Variants in HAPLN3 observed in about 807,000 individuals in gnomAD.
HAPLN3 encodes extracellular link domain containing, 1.
In HAPLN3, 28 loss-of-function variants were observed where a neutral mutation model predicts 28.1. That is an observed-to-expected ratio of 1.00 (90% CI 0.74 to 1.37). HAPLN3 has a LOEUF of 1.37. Ranked by LOEUF, HAPLN3 falls within the 40% of genes most tolerant of loss-of-function variation. The probability of loss-of-function intolerance (pLI) is 0.00; values close to 1 mark genes in which losing one functional copy is unlikely to be tolerated. For missense variants in HAPLN3, 513 were observed against 504.6 expected (o/e 1.02, Z -0.16); for synonymous variants, 211 against 213.1 (o/e 0.99, Z 0.09).
rs1482477156 is a variant in HAPLN3, at chr15:88,879,962, G to T, written c.494-693C>A. ...TCTACCAAGTCAATGAAACCTTAGG[G>T]AGTGGAGGTGACCCTAGGGGTCTGG... On this transcript the variant is annotated intron_variant, in intron 3 of 4. Transcript: ENST00000359595. This position sits in a 1 kb window ranked among gnomAD's most constrained non-coding sequence, Gnocchi z 5.0. The T allele has an allele frequency of 2.0e-6, 2 of 1,003,606 alleles. No homozygotes were observed. Among genetic ancestry groups the T allele is most frequent in the African/African-American group, 3.5e-5 (2 of 57,440 alleles). 62.2% of individuals were successfully genotyped at this position (1,003,606 alleles called of 1,614,324 possible).
chr15:88,892,804 G>T (rs986996829), intron 1 of HAPLN3, among the ~76,000 whole-genome samples: 3 of 152,130 alleles, frequency 2.0e-5, no homozygotes, highest in Non-Finnish European at 4.4e-5. Flanking sequence ...ATTGCCACTT[G>T]GTTGCTGCCT....
intron 1 of HAPLN3, among the ~76,000 whole-genome samples, chr15:88,893,923 C>T (rs1257168587): frequency 2.4e-5 from 3 of 123,972 alleles, no homozygotes; most frequent in Non-Finnish European, 4.8e-5. Flanking sequence ...AGTGAGACTC[C>T]ATCTCAAAAA....
In HAPLN3 at chr15:88,877,811, G is replaced by C; in HGVS notation, c.*159C>G. Reference sequence around the variant, plus strand: ...ATCCAGGAGCAAAGGGAGGCATTGGGTTCTGTTTGCTTTACAAAAAATAGT... The same window carrying C: ...ATCCAGGAGCAAAGGGAGGCATTGGCTTCTGTTTGCTTTACAAAAAATAGT... On this transcript the variant is annotated 3_prime_UTR_variant, in exon 5 of 5. Coordinates refer to ENST00000359595, the MANE Select transcript of HAPLN3 (RefSeq NM_178232.4). This position sits in a 1 kb window ranked among gnomAD's most constrained non-coding sequence, Gnocchi z 5.1. 2 of 726,472 alleles carry C rather than the reference G, an allele frequency of 2.8e-6. No individual in the cohort carries two copies. The highest frequency in any genetic ancestry group is 4.4e-6 in the Non-Finnish European group (2 of 457,322). 45.0% of individuals were successfully genotyped at this position (726,472 alleles called of 1,614,324 possible).
rs554069950 is a variant in HAPLN3, at chr15:88,886,868, C to T, written c.124+307G>A. 9.9e-4 allele frequency among the ~76,000 whole-genome samples: 151 copies of T among 152,280 alleles called. 7 individuals are homozygous for T. In the South Asian group the frequency reaches 0.028, roughly 28 times the overall value. The stretch of plus-strand genomic sequence containing the variant: ...CATTCAAACTCACATCTATTCGACC[C>T]CAGGTCCCCTTTCCACTGGGGGGAC... On this transcript the variant is annotated intron_variant, in intron 2 of 4. Transcript: ENST00000359595.
At chr15:88,893,199 C>G in intron 1 of HAPLN3, 1 of 674,780 alleles carries the variant, frequency 1.5e-6, no homozygotes, top group Admixed American at 2.1e-5. Context: ...GGTGGATCAC[C>G]TGAGGTCAGG....
chr15:88,894,471 T>G (rs1898102068), intron 1 of HAPLN3, among the ~76,000 whole-genome samples: 1 of 152,208 alleles, frequency 6.6e-6, no homozygotes. Flanking sequence ...CCGCGAGGTC[T>G]GCACGAGCGC....
Position 88,879,936 on chromosome 15 carries a change from C to T in HAPLN3, c.494-667G>A. Reference sequence around the variant, plus strand: ...AGTTTTTAAACTTCTGAGATGTAGTCTCTACCAAGTCAATGAAACCTTAGG... The same window carrying T: ...AGTTTTTAAACTTCTGAGATGTAGTTTCTACCAAGTCAATGAAACCTTAGG... On this transcript the variant is annotated intron_variant, in intron 3 of 4. Coordinates refer to ENST00000359595, the MANE Select transcript of HAPLN3 (RefSeq NM_178232.4). The surrounding 1 kb of genome is among the most constrained non-coding windows in gnomAD (Gnocchi z 5.0). 1 of 1,012,588 alleles carries T rather than the reference C, an allele frequency of 9.9e-7. No homozygotes were observed. The highest frequency in any genetic ancestry group is 1.2e-6 in the Non-Finnish European group (1 of 846,164). The allele number at this position is 1,012,588 out of a possible 1,614,324, so 62.7% of individuals were successfully genotyped here.
rs183435664 is a variant in HAPLN3 at position 88,889,144 on chromosome 15, G to A, written c.-47-1799C>T. 1.6e-3 allele frequency among the ~76,000 whole-genome samples: 242 copies of A among 152,244 alleles called. 2 individuals are homozygous for A. Among genetic ancestry groups the A allele is most frequent in the East Asian group, 3.9e-4 (2 of 5,188 alleles). ...GTCTGCTGCTGCTGCTGGCCTCTGCGTCCCCCACTTCCTTGTTGGGTCCCC... is the reference window on the plus strand; with the variant it reads ...GTCTGCTGCTGCTGCTGGCCTCTGCATCCCCCACTTCCTTGTTGGGTCCCC... On this transcript the variant is annotated intron_variant, in intron 1 of 4. Coordinates refer to ENST00000359595, the MANE Select transcript of HAPLN3 (RefSeq NM_178232.4).
intron 2 of HAPLN3, among the ~76,000 whole-genome samples, chr15:88,886,240 G>C (rs938190228): frequency 6.7e-6 from 1 of 149,420 alleles, no homozygotes; most frequent in Non-Finnish European, 1.5e-5. Flanking sequence ...AATCCCAGCT[G>C]CTTGGGAGGC....
chr15:88,877,816 G>A lies in HAPLN3; in HGVS notation c.*154C>T. 2 of 775,818 alleles carry A rather than the reference G, an allele frequency of 2.6e-6. No homozygotes were observed. Among genetic ancestry groups the A allele is most frequent in the Non-Finnish European group, 4.0e-6 (2 of 500,904 alleles). 48.1% of individuals were successfully genotyped at this position (775,818 alleles called of 1,614,324 possible). On this transcript the variant is annotated 3_prime_UTR_variant, in exon 5 of 5. Coordinates refer to ENST00000359595, the MANE Select transcript of HAPLN3 (RefSeq NM_178232.4). The surrounding 1 kb of genome is among the most constrained non-coding windows in gnomAD (Gnocchi z 5.1). ...GGAGCAAAGGGAGGCATTGGGTTCT[G>A]TTTGCTTTACAAAAAATAGTAAAAA...
chr15:88,885,384 T>C (rs1005574219), intron 2 of HAPLN3, among the ~76,000 whole-genome samples: 3 of 152,046 alleles, frequency 2.0e-5, no homozygotes, highest in Non-Finnish European at 2.9e-5. Context: ...CAAGCAATTC[T>C]CATGCCTCAG....
intron 4 of HAPLN3, 147 bp from the exon 5 acceptor site, chr15:88,878,403 T>G (rs1897596098): frequency 1.4e-6 from 1 of 735,386 alleles, no homozygotes; most frequent in Non-Finnish European, 2.2e-6. Flanking sequence ...TTTCTAATCT[T>G]CACCCTGTCC....
At chr15:88,890,411 A>G (rs927090047) in intron 1 of HAPLN3, among the ~76,000 whole-genome samples, 4 of 152,196 alleles carry the variant, frequency 2.6e-5, no homozygotes, top group Non-Finnish European at 5.9e-5. Flanking sequence ...TGGGAACTGG[A>G]AGATCAGAGT....
At chr15:88,886,296 A>G (rs570167530) in intron 2 of HAPLN3, among the ~76,000 whole-genome samples, 1 of 148,912 alleles carries the variant, frequency 6.7e-6, no homozygotes, top group South Asian at 2.1e-4. Flanking sequence ...GGCTGCAGTG[A>G]GCCAAGATCG....
rs144313123 is a variant in HAPLN3, at chr15:88,887,155, G to A, written c.124+20C>T. 3.5e-3 allele frequency: 5,641 copies of A among 1,613,912 alleles called. 10 individuals carry two copies. Among genetic ancestry groups the A allele is most frequent in the Non-Finnish European group, 4.3e-3 (5,102 of 1,179,854 alleles). ...AGGTCACCCAGGGGAGCAAAGAGCC[G>A]GGTGCAGGAGGTCGCCTACCTTTGC... On this transcript the variant is annotated intron_variant, in intron 2 of 4. Coordinates refer to ENST00000359595, the MANE Select transcript of HAPLN3 (RefSeq NM_178232.4).
chr15:88,878,404 C>T lies in HAPLN3; in HGVS notation c.797-148G>A, dbSNP rs193006549. 322 of 728,106 alleles carry T rather than the reference C, an allele frequency of 4.4e-4. 1 individual carries two copies. The highest frequency in any genetic ancestry group is 4.3e-3 in the East Asian group (159 of 37,118). 45.1% of individuals were successfully genotyped at this position (728,106 alleles called of 1,614,324 possible). A position where few individuals can be genotyped will look rare whatever the true frequency, so the allele number is the denominator to read the frequency against. On this transcript the variant is annotated intron_variant, in intron 4 of 4. Coordinates refer to ENST00000359595, the MANE Select transcript of HAPLN3 (RefSeq NM_178232.4). Reference sequence around the variant, plus strand: ...TCTGCAGAGAACACTTTCTAATCTTCACCCTGTCCCAGAGAGCTCTGTCCC... The same window carrying T: ...TCTGCAGAGAACACTTTCTAATCTTTACCCTGTCCCAGAGAGCTCTGTCCC...
Position 88,879,377 on chromosome 15 carries a change from C to A in HAPLN3, c.494-108G>T. 6.4e-7 allele frequency: 1 copy of A among 1,562,822 alleles called. No individual in the cohort carries two copies. Among genetic ancestry groups the A allele is most frequent in the Non-Finnish European group, 8.6e-7 (1 of 1,162,820 alleles). ...GGACATGTGCTGCCTGCAACACACA[C>A]ACATACACCATCCCTCAGAAAAACT... On this transcript the variant is annotated intron_variant, in intron 3 of 4. Transcript: ENST00000359595. This position sits in a 1 kb window ranked among gnomAD's most constrained non-coding sequence, Gnocchi z 5.0.
chr15:88,880,259 C>A lies in HAPLN3; in HGVS notation c.494-990G>T. Reference sequence around the variant, plus strand: ...GTTTCTCTAGGCTGCCCCTGCAGACCCCAGACCAATGACTCTTGCAGGTTC... The same window carrying A: ...GTTTCTCTAGGCTGCCCCTGCAGACACCAGACCAATGACTCTTGCAGGTTC... On this transcript the variant is annotated intron_variant, in intron 3 of 4. Coordinates refer to ENST00000359595, the MANE Select transcript of HAPLN3 (RefSeq NM_178232.4). The surrounding 1 kb of genome is among the most constrained non-coding windows in gnomAD (Gnocchi z 6.0). The A allele has an allele frequency of 2.9e-6, 3 of 1,040,596 alleles. No individual in the cohort carries two copies. The highest frequency in any genetic ancestry group is 3.2e-5 in the South Asian group (1 of 31,232). 64.5% of individuals were successfully genotyped at this position (1,040,596 alleles called of 1,614,324 possible).
chr15:88,892,973 C>T (rs1365631588), intron 1 of HAPLN3: 1 of 1,535,832 alleles, frequency 6.5e-7, no homozygotes, highest in South Asian at 1.2e-5. Flanking sequence ...AGCCCAGTCA[C>T]CTTGGCAGTG....
Sources: gnomAD v4.1 joint callset for allele counts (sites outside exome capture counted in the v4.1 genomes callset) on GRCh38, gnomAD v4.1.1 for gene constraint, Gnocchi (gnomAD v3.1) non-coding constraint, MANE v1.5 for transcripts, NCBI Gene and HGNC (gene_info 2026-07-23, HGNC 2026-07-21) for gene names.